Variants in G3BP2 observed in about 807,000 individuals in gnomAD.
The protein encoded by G3BP2 is G3BP stress granule assembly factor 2.
G3BP2 carries 11 observed loss-of-function variants against 56.7 expected under a neutral mutation model. That is an observed-to-expected ratio of 0.19 (90% CI 0.12 to 0.32). The LOEUF is 0.32. G3BP2 is among the 10% of genes least tolerant of loss of function. The pLI is 1.00. For missense variants in G3BP2, 340 were observed against 610.9 expected, an observed-to-expected ratio of 0.56 and a Z score of 4.67; for synonymous variants, 165 against 191.6, an observed-to-expected ratio of 0.86 and a Z score of 1.15.
At chr4:75,716,008 A>G (rs1380094632) in intron 3 of G3BP2, among the ~76,000 whole-genome samples, 1 of 152,182 alleles carries the variant, frequency 6.6e-6, no homozygotes, top group African/African-American at 2.4e-5. Context: ...TGAGCTTTTT[A>G]GGAGTCAATA....
chr4:75,690,231 C>T (rs1489271646), intron 3 of G3BP2, among the ~76,000 whole-genome samples: 2 of 151,990 alleles, frequency 1.3e-5, no homozygotes, highest in African/African-American at 2.4e-5. Context: ...GTCAGGAGTT[C>T]GAAACCAGCC....
At chr4:75,678,661 A>T (rs1733967153) in intron 3 of G3BP2, among the ~76,000 whole-genome samples, 1 of 152,196 alleles carries the variant, frequency 6.6e-6, no homozygotes, top group Non-Finnish European at 1.5e-5. Context: ...AAAAAAATAA[A>T]AAAGAATCTG....
Position 75,661,905 on chromosome 4 carries a change from TACCAAA to T in G3BP2, c.95+20_95+25del. The T allele has an allele frequency of 8.3e-7, 1 of 1,212,080 alleles. No individual in the cohort carries two copies. Among genetic ancestry groups the T allele is most frequent in the Non-Finnish European group, 1.2e-6 (1 of 816,678 alleles). 75.1% of individuals were successfully genotyped at this position (1,212,080 alleles called of 1,614,324 possible). On this transcript the variant is annotated intron_variant, in intron 2 of 11. Coordinates refer to ENST00000359707, the MANE Select transcript of G3BP2 (RefSeq NM_203505.3). ...ACCCAAGAAAAAAAGTAGATAAAAA[TACCAAA>T]TTATTTGTTTAAAATTTACCTGTGT...
In G3BP2 at chr4:75,659,757, C is replaced by T. The variant is rs141476505; in HGVS notation, c.96-833G>A. Among the ~76,000 whole-genome samples the T allele has an allele frequency of 1.6e-4, 25 of 152,264 alleles. 2 individuals are homozygous for T. In the East Asian group the frequency reaches 4.8e-3, roughly 29 times the overall value. On this transcript the variant is annotated intron_variant, in intron 2 of 11. Coordinates refer to ENST00000359707, the MANE Select transcript of G3BP2 (RefSeq NM_203505.3). ...GTTCAGAAGAGGTTAAATTAACTCC[C>T]CTAAGGTAATATACCTATCAAGTGG...
intron 3 of G3BP2, among the ~76,000 whole-genome samples, chr4:75,679,233 G>C (rs1441074226): frequency 6.6e-6 from 1 of 152,120 alleles, no homozygotes; most frequent in Non-Finnish European, 1.5e-5. Flanking sequence ...GAGAATCCCA[G>C]GGCTCTCTCT....
chr4:75,643,315 A>ATATATATATG lies in G3BP2; in HGVS notation c.*2114_*2115insCATATATATA, dbSNP rs1166357883. Reference sequence around the variant, plus strand: ...GGAAATTATATATATATATATATATATGGAAACAGAAATACAAGAAAATAT... The same window carrying ATATATATATG: ...GGAAATTATATATATATATATATATATATATATATGTGGAAACAGAAATACAAGAAAATAT... On this transcript the variant is annotated 3_prime_UTR_variant, in exon 12 of 12. Coordinates refer to ENST00000359707, the MANE Select transcript of G3BP2 (RefSeq NM_203505.3). 1 of 135,608 alleles carries ATATATATATG rather than the reference A, an allele frequency of 7.4e-6. No homozygotes were observed. The highest frequency in any genetic ancestry group is 1.6e-5 in the Non-Finnish European group (1 of 61,912). 8.4% of individuals were successfully genotyped at this position (135,608 alleles called of 1,614,324 possible). A position where few individuals can be genotyped will look rare whatever the true frequency, so the allele number is the denominator to read the frequency against.
At chr4:75,674,826 G>A (rs373042892), upstream of G3BP2, among the ~76,000 whole-genome samples, 2 of 149,466 alleles carry the variant, frequency 1.3e-5, no homozygotes, top group East Asian at 2.0e-4. Context: ...GGGTTCAAGC[G>A]GTTCTCCTGC....
intron 3 of G3BP2, among the ~76,000 whole-genome samples, chr4:75,706,089 T>C (rs1719533051): frequency 6.6e-6 from 1 of 152,162 alleles, no homozygotes; most frequent in Non-Finnish European, 1.5e-5. Context: ...TCTATTATTA[T>C]TTCCATTTTA....
intron 2 of G3BP2, chr4:75,661,613 A>AT: frequency 5.8e-6 from 1 of 173,448 alleles, no homozygotes; most frequent in Admixed American, 6.3e-5. Flanking sequence ...GGCTATGATC[A>AT]TATCACTGCA....
At position 75,644,085 on chromosome 4, in the gene G3BP2, T is replaced by G. The variant is rs1165318755; in HGVS notation, c.*1345A>C. On this transcript the variant is annotated 3_prime_UTR_variant, in exon 12 of 12. Transcript: ENST00000359707. ...CCCCCAAATAGAAAATGCAAACACT[T>G]AAAGAGCTGCTGTTCTTTTCTCCGA... The G allele has an allele frequency of 1.3e-5, 2 of 152,698 alleles. No individual in the cohort carries two copies. Among genetic ancestry groups the G allele is most frequent in the East Asian group, 3.9e-4 (2 of 5,154 alleles). 9.5% of individuals were successfully genotyped at this position (152,698 alleles called of 1,614,324 possible).
chr4:75,674,091 C>T (rs1441071858), upstream of G3BP2: 1 of 152,188 alleles, frequency 6.6e-6, no homozygotes, highest in Non-Finnish European at 1.5e-5. Context: ...ACAAGGATTA[C>T]AGTCCTGTTC....
chr4:75,722,898 T>C (rs1720231884), intron 1 of G3BP2, among the ~76,000 whole-genome samples: 1 of 152,236 alleles, frequency 6.6e-6, no homozygotes, highest in Non-Finnish European at 1.5e-5. Context: ...CAATAATTTA[T>C]TCATTTATCC....
intron 3 of G3BP2, among the ~76,000 whole-genome samples, chr4:75,698,027 T>C (rs866231621): frequency 2.0e-5 from 3 of 152,238 alleles, no homozygotes; most frequent in Non-Finnish European, 4.4e-5. Context: ...ACTTCACTAA[T>C]TGTAGAAGAC....
intron 3 of G3BP2, 55 bp from the exon 4 acceptor site, chr4:75,657,785 C>T (rs1243248719): frequency 9.4e-7 from 1 of 1,065,668 alleles, no homozygotes; most frequent in Admixed American, 2.0e-5. Flanking sequence ...ATTACCTACA[C>T]AATAATATTA....
At chr4:75,682,299 C>T (rs1306385283) in intron 3 of G3BP2, among the ~76,000 whole-genome samples, 1 of 151,776 alleles carries the variant, frequency 6.6e-6, no homozygotes, top group Non-Finnish European at 1.5e-5. Context: ...CCTGTAGTCC[C>T]AGCTGCTCGG....
intron 3 of G3BP2, chr4:75,694,878 C>T (rs1249786346): frequency 6.1e-6 from 6 of 985,272 alleles, no homozygotes; most frequent in Non-Finnish European, 6.0e-6. Flanking sequence ...AAGTAACAGC[C>T]GAAGGGGTTT....
intron 3 of G3BP2, among the ~76,000 whole-genome samples, chr4:75,710,790 C>T (rs1719724064): frequency 6.6e-6 from 1 of 151,946 alleles, no homozygotes; most frequent in South Asian, 2.1e-4. Flanking sequence ...TCTCAGCCTC[C>T]CACGTAGCTG....
At chr4:75,722,401 G>T (rs967429383) in intron 1 of G3BP2, among the ~76,000 whole-genome samples, 5 of 152,120 alleles carry the variant, frequency 3.3e-5, no homozygotes, top group African/African-American at 1.2e-4. Flanking sequence ...TGACAAGGCT[G>T]GTGCCTTTAA....
chr4:75,701,406 G>A (rs1005004907), intron 3 of G3BP2, among the ~76,000 whole-genome samples: 7 of 146,834 alleles, frequency 4.8e-5, no homozygotes, highest in East Asian at 2.0e-4. Context: ...GATTACAGGC[G>A]TGTGCCACCA....
Sources: gnomAD v4.1 joint callset for allele counts (sites outside exome capture counted in the v4.1 genomes callset) on GRCh38, gnomAD v4.1.1 for gene constraint, MANE v1.5 for transcripts, NCBI Gene and HGNC (gene_info 2026-07-23, HGNC 2026-07-21) for gene names.